SCRG1: variants seen among roughly 807,000 people sequenced by gnomAD.
SCRG1 encodes stimulator of chondrogenesis 1.
In SCRG1, 3 loss-of-function variants were observed where a neutral mutation model predicts 7.7. That is an observed-to-expected ratio of 0.39 (90% CI 0.18 to 1.01). The LOEUF (loss-of-function observed/expected upper bound fraction) is 1.01, where lower values mean the gene tolerates loss of function less well. SCRG1 is among the 50% of genes least tolerant of loss of function. The probability of loss-of-function intolerance (pLI) is 0.36; values close to 1 mark genes in which losing one functional copy is unlikely to be tolerated. For synonymous variants in SCRG1, 46 were observed against 41.2 expected, an observed-to-expected ratio of 1.12 and a Z score of -0.44; for missense variants, 110 against 117.2, an observed-to-expected ratio of 0.94 and a Z score of 0.28.
the SCRG1 span, among the ~76,000 whole-genome samples, chr4:173,482,101 C>T: frequency 6.6e-6 from 1 of 152,142 alleles, no homozygotes; most frequent in Non-Finnish European, 1.5e-5. Context: ...TATAAAATTG[C>T]TGGAATTCAT....
chr4:173,450,474 A>G, the SCRG1 span, among the ~76,000 whole-genome samples: 40 of 152,124 alleles, frequency 2.6e-4, no homozygotes, highest in Non-Finnish European at 5.1e-4. Context: ...AGTGGCTCAG[A>G]TGACTCATAT....
chr4:173,432,391 C>T, the SCRG1 span, among the ~76,000 whole-genome samples: 30 of 147,732 alleles, frequency 2.0e-4, no homozygotes, highest in African/African-American at 7.5e-4. Context: ...TCCTCTTCCT[C>T]CCCTTACTCC....
At chr4:173,468,191 T>G in the SCRG1 span, 4 of 152,170 alleles carry the variant, frequency 2.6e-5, no homozygotes, top group African/African-American at 9.7e-5. Context: ...CTTTTCTATG[T>G]TTAGATATGT....
chr4:173,404,099 C>A (rs887966498), upstream of SCRG1: 1 of 152,138 alleles, frequency 6.6e-6, no homozygotes, highest in Non-Finnish European at 1.5e-5. Context: ...GATGGGGGAA[C>A]TGGGGTTCAA....
At chr4:173,488,368 G>T in the SCRG1 span, among the ~76,000 whole-genome samples, 1 of 152,168 alleles carries the variant, frequency 6.6e-6, no homozygotes, top group African/African-American at 2.4e-5. Context: ...CTTGGTAGGT[G>T]ATGTTGGACA....
At chr4:173,396,377 C>G (rs962273105) in intron 1 of SCRG1, among the ~76,000 whole-genome samples, 2 of 152,052 alleles carry the variant, frequency 1.3e-5, no homozygotes, top group Non-Finnish European at 2.9e-5. Flanking sequence ...AAAGGTAGAT[C>G]CAGAAGAGAT....
At chr4:173,433,183 A>C in the SCRG1 span, among the ~76,000 whole-genome samples, 4 of 152,214 alleles carry the variant, frequency 2.6e-5, no homozygotes, top group Admixed American at 2.6e-4. Context: ...CATTTAGAAC[A>C]GTTTGCATGT....
the SCRG1 span, among the ~76,000 whole-genome samples, chr4:173,474,490 C>G: frequency 0.59 from 89,686 of 152,020 alleles, 28,971 homozygotes; most frequent in Non-Finnish European, 0.73. Flanking sequence ...GAAAAAGAGT[C>G]AGAAATTCTT....
the SCRG1 span, among the ~76,000 whole-genome samples, chr4:173,433,627 C>T: frequency 0.98 from 148,679 of 152,310 alleles, 72,647 homozygotes; most frequent in East Asian, 1. Context: ...ATGGGGATTT[C>T]CCTTCTTTCT....
At chr4:173,482,216 A>G in the SCRG1 span, among the ~76,000 whole-genome samples, 1 of 152,168 alleles carries the variant, frequency 6.6e-6, no homozygotes, top group Non-Finnish European at 1.5e-5. Flanking sequence ...TGCTTGTGTA[A>G]CTAAATAAAT....
At chr4:173,511,846 C>T in the SCRG1 span, among the ~76,000 whole-genome samples, 2 of 152,294 alleles carry the variant, frequency 1.3e-5, no homozygotes, top group East Asian at 3.9e-4. The surrounding 1 kb of genome is among the most constrained non-coding windows in gnomAD (Gnocchi z 5.2). Context: ...TTTTAAACTT[C>T]TAAGGGTGCC....
At chr4:173,442,957 G>A in the SCRG1 span, among the ~76,000 whole-genome samples, 30 of 152,292 alleles carry the variant, frequency 2.0e-4, no homozygotes, top group South Asian at 4.1e-4. Flanking sequence ...GACATTCAAA[G>A]CATAGCCCCA....
At chr4:173,460,130 C>G in the SCRG1 span, among the ~76,000 whole-genome samples, 2 of 152,186 alleles carry the variant, frequency 1.3e-5, no homozygotes, top group Non-Finnish European at 2.9e-5. Flanking sequence ...AACCAAAACT[C>G]AGGTGAGCAC....
At chr4:173,483,228 T>TATATATAATATATG in the SCRG1 span, among the ~76,000 whole-genome samples, 3 of 81,528 alleles carry the variant, frequency 3.7e-5, no homozygotes, top group Admixed American at 3.7e-4. Flanking sequence ...ATATATATAT[T>TATATATAATATATG]ATATATAATA....
the SCRG1 span, among the ~76,000 whole-genome samples, chr4:173,448,095 ACT>A: frequency 6.6e-6 from 1 of 152,066 alleles, no homozygotes; most frequent in African/African-American, 2.4e-5. Context: ...CAAGAGGGAA[ACT>A]CTGTCTCAAA....
chr4:173,463,097 A>G, the SCRG1 span, among the ~76,000 whole-genome samples: 2 of 152,182 alleles, frequency 1.3e-5, no homozygotes, highest in African/African-American at 4.8e-5. Flanking sequence ...GTAAGTCCCT[A>G]CTTATCAATA....
At chr4:173,485,637 C>A in the SCRG1 span, among the ~76,000 whole-genome samples, 1 of 152,056 alleles carries the variant, frequency 6.6e-6, no homozygotes. Flanking sequence ...TTATCTGATT[C>A]TCAAAGATTA....
chr4:173,423,658 CTTTT>C, the SCRG1 span, among the ~76,000 whole-genome samples: 2 of 150,928 alleles, frequency 1.3e-5, no homozygotes, highest in African/African-American at 4.9e-5. Context: ...TCTTTTATCT[CTTTT>C]TTTTTAATTT....
the SCRG1 span, among the ~76,000 whole-genome samples, chr4:173,422,128 A>G: frequency 8.5e-5 from 13 of 152,338 alleles, no homozygotes; most frequent in African/African-American, 2.9e-4. Context: ...GCAAAGATTA[A>G]GCTTGCCAAA....
Sources: gnomAD v4.1 joint callset for allele counts (sites outside exome capture counted in the v4.1 genomes callset) on GRCh38, gnomAD v4.1.1 for gene constraint, Gnocchi (gnomAD v3.1) non-coding constraint, MANE v1.5 for transcripts, NCBI Gene and HGNC (gene_info 2026-07-23, HGNC 2026-07-21) for gene names.